The following KRT86 variants were observed in gnomAD, a reference collection of about 807,000 sequenced individuals.
KRT86 encodes keratin, type II cuticular Hb6.
KRT86 carries 30 observed loss-of-function variants against 41.2 expected under a neutral mutation model. The observed-to-expected ratio is 0.73, with a 90% confidence interval of 0.54 to 0.99. The LOEUF is 0.99. Ranked by LOEUF, KRT86 falls within the 50% of genes least tolerant of loss-of-function variation. The pLI, the probability that KRT86 is intolerant of heterozygous loss-of-function variation, is 0.00. For missense variants in KRT86, 561 were observed against 571.4 expected, an observed-to-expected ratio of 0.98 and a Z score of 0.19; for synonymous variants, 238 against 238.1, an observed-to-expected ratio of 1.00 and a Z score of 0.00.
In KRT86 at chr12:52,291,973, A is replaced by G. The variant is rs955767584; in HGVS notation, c.-4-9940A>G. ...TTAATAAATACCATCTCTCATTTCC[A>G]TCACAGCTGTGGCTAAAGTGCTCCT... On this transcript the variant is annotated intron_variant, in intron 2 of 10. Coordinates refer to ENST00000423955, the MANE Select transcript of KRT86 (RefSeq NM_001320198.2). Among the ~76,000 whole-genome samples the G allele has an allele frequency of 6.3e-4, 96 of 152,306 alleles. 1 individual carries two copies. The highest frequency in any genetic ancestry group is 6.2e-3 in the Admixed American group (95 of 15,304).
chr12:52,278,993 G>T, intron 2 of KRT86: 1 of 152,564 alleles, frequency 6.6e-6, no homozygotes, highest in Non-Finnish European at 1.5e-5. Flanking sequence ...AGGAGGGTCT[G>T]TGTATCTGGA....
At chr12:52,291,679 G>C (rs1938131212) in intron 2 of KRT86, 2 of 667,232 alleles carry the variant, frequency 3.0e-6, no homozygotes, top group Non-Finnish European at 5.0e-6. Context: ...TAATGGGGGA[G>C]TGGCCTGCAC....
intron 2 of KRT86, among the ~76,000 whole-genome samples, chr12:52,288,674 A>C (rs1592425527): frequency 6.7e-6 from 1 of 150,324 alleles, no homozygotes; most frequent in Non-Finnish European, 1.5e-5. Flanking sequence ...CCAGCCTTTC[A>C]CCCCTCCTTG....
chr12:52,283,726 C>A (rs1937837799), intron 2 of KRT86, among the ~76,000 whole-genome samples: 1 of 152,110 alleles, frequency 6.6e-6, no homozygotes, highest in African/African-American at 2.4e-5. Context: ...GTGATCTGCC[C>A]ACCTCGGCCT....
intron 5 of KRT86, among the ~76,000 whole-genome samples, chr12:52,304,382 G>GCT (rs1565748828): frequency 7.8e-6 from 1 of 128,866 alleles, no homozygotes; most frequent in Admixed American, 8.1e-5. Context: ...ACCTACCTTG[G>GCT]GCAAGGGGAT....
intron 2 of KRT86, among the ~76,000 whole-genome samples, chr12:52,300,858 C>T (rs1938356833): frequency 6.6e-6 from 1 of 152,166 alleles, no homozygotes; most frequent in Non-Finnish European, 1.5e-5. Flanking sequence ...CTGGAGGTTA[C>T]ACAGAGGCCT....
intron 6 of KRT86, 75 bp from the exon 7 acceptor site, chr12:52,305,165 C>G (rs1353151079): frequency 4.3e-6 from 7 of 1,611,492 alleles, no homozygotes; most frequent in Non-Finnish European, 5.9e-6. Flanking sequence ...CCAGAGAAAG[C>G]CTGAGGAGGT....
At chr12:52,293,522 G>A (rs1938184126) in intron 2 of KRT86, among the ~76,000 whole-genome samples, 1 of 152,120 alleles carries the variant, frequency 6.6e-6, no homozygotes, top group African/African-American at 2.4e-5. Flanking sequence ...AGGAAGACGG[G>A]CAGAGTCAGA....
In KRT86 at chr12:52,305,728, C is replaced by G; in HGVS notation, c.966C>G (p.Ile322Met). 1 of 1,614,066 alleles carries G rather than the reference C, an allele frequency of 6.2e-7. No homozygotes were observed. The highest frequency in any genetic ancestry group is 1.1e-5 in the South Asian group (1 of 91,074). The stretch of plus-strand genomic sequence containing the variant: ...CCCTGCGCCGCACCAAGGAGGAGAT[C>G]AACGAGCTGAACCGCATGATCCAGA... ...GETLRRTKEE[I>M]NELNRMIQRL... The change falls in exon 8 of 11, where the codon ATC (isoleucine) becomes ATG (methionine). Residue 322 changes from isoleucine to methionine, a missense_variant. Physicochemically the swap from Ile to Met is conservative, Grantham distance 10 (BLOSUM62 1). Around this residue, in one of 3 missense-constraint regions of KRT86, gnomAD observed 397 missense variants for 375.9 expected, o/e 1.06. Coordinates refer to ENST00000423955, the MANE Select transcript of KRT86 (RefSeq NM_001320198.2).
chr12:52,298,385 AT>A (rs1938296514), intron 2 of KRT86, among the ~76,000 whole-genome samples: 1 of 152,218 alleles, frequency 6.6e-6, no homozygotes, highest in Non-Finnish European at 1.5e-5. Context: ...TCCATGCATT[AT>A]TTCATTTAAT....
chr12:52,305,744 A>C lies in KRT86; in HGVS notation c.982A>C (p.Met328Leu), dbSNP rs759203655. 1.2e-6 allele frequency: 2 copies of C among 1,614,078 alleles called. No individual in the cohort carries two copies. Among genetic ancestry groups the C allele is most frequent in the Non-Finnish European group, 1.7e-6 (2 of 1,179,914 alleles). ...GGAGGAGATCAACGAGCTGAACCGC[A>C]TGATCCAGAGGCTGACGGCTGAGGT... ...TKEEINELNR[M>L]IQRLTAEVEN... The change falls in exon 8 of 11, where the codon ATG becomes CTG. Residue 328 changes from methionine (M) to leucine (L), a missense_variant. Physicochemically the swap from Met to Leu is conservative, Grantham distance 15. Transcript: ENST00000423955.
At chr12:52,293,765 A>G (rs1938189295) in intron 2 of KRT86, among the ~76,000 whole-genome samples, 1 of 152,218 alleles carries the variant, frequency 6.6e-6, no homozygotes, top group Non-Finnish European at 1.5e-5. Flanking sequence ...CCACTCCAAT[A>G]GAGCAGGTCC....
intron 5 of KRT86, among the ~76,000 whole-genome samples, chr12:52,304,379 T>G (rs71445791): frequency 8.7e-6 from 1 of 115,212 alleles, no homozygotes; most frequent in Non-Finnish European, 1.7e-5. Context: ...AGCACCTACC[T>G]TGGGCAAGGG....
rs1458895540 is a variant in KRT86, at chr12:52,305,274, C to A, written c.770C>A (p.Thr257Asn). 5 of 1,614,126 alleles carry A rather than the reference C, an allele frequency of 3.1e-6. No individual in the cohort carries two copies. In the East Asian group the frequency reaches 8.9e-5, roughly 29 times the overall value. Reference sequence around the variant, plus strand: ...GTTCTCCAGTCCCACATCTCAGACACCTCCGTGGTTGTCAAGCTGGACAAC... The same window carrying A: ...GTTCTCCAGTCCCACATCTCAGACAACTCCGTGGTTGTCAAGCTGGACAAC... ...IRVLQSHISD[T>N]SVVVKLDNSR... Residue 257 changes from threonine (T) to asparagine (N), a missense_variant, in exon 7 of 11, where the codon ACC becomes AAC. Physicochemically the swap from Thr to Asn is moderately conservative, Grantham distance 65. This residue lies in a region of KRT86 where 397 missense variants were observed against 375.9 expected (regional missense o/e 1.06). Coordinates refer to ENST00000423955, the MANE Select transcript of KRT86 (RefSeq NM_001320198.2).
At chr12:52,286,464 A>G in intron 2 of KRT86, 10 of 1,552,506 alleles carry the variant, frequency 6.4e-6, no homozygotes, top group Non-Finnish European at 8.7e-6. Context: ...AGGTCCCCGC[A>G]CACGACCCCG....
intron 2 of KRT86, among the ~76,000 whole-genome samples, chr12:52,301,620 T>C (rs1938377559): frequency 6.6e-6 from 1 of 152,002 alleles, no homozygotes; most frequent in African/African-American, 2.4e-5. Context: ...GAGGTTGAGG[T>C]GGGTGTGCGG....
At chr12:52,308,133 A>G in intron 9 of KRT86, 100 bp from the exon 10 acceptor site, 2 of 1,523,008 alleles carry the variant, frequency 1.3e-6, no homozygotes, top group Non-Finnish European at 1.8e-6. Context: ...TCCCTTGGGC[A>G]AGTGCCCAGA....
In KRT86 at chr12:52,308,794, A is replaced by C; in HGVS notation, c.*209A>C. ...GGGAGGCGCCATGGTCTCTCTCTGT[A>C]GCCTTTCCTGGTAGTCAATTTGTTG... On this transcript the variant is annotated 3_prime_UTR_variant, in exon 11 of 11. Coordinates refer to ENST00000423955, the MANE Select transcript of KRT86 (RefSeq NM_001320198.2). 1.7e-6 allele frequency: 1 copy of C among 587,040 alleles called. No homozygotes were observed. Among genetic ancestry groups the C allele is most frequent in the South Asian group, 2.0e-5 (1 of 48,786 alleles). 36.4% of individuals were successfully genotyped at this position (587,040 alleles called of 1,614,324 possible).
intron 2 of KRT86, among the ~76,000 whole-genome samples, chr12:52,280,682 CT>C (rs1937752608): frequency 6.6e-6 from 1 of 152,208 alleles, no homozygotes; most frequent in African/African-American, 2.4e-5. Flanking sequence ...CCCCACTGGG[CT>C]CACACATCAG....
Sources: allele counts gnomAD v4.1 joint callset (sites outside exome capture counted in the v4.1 genomes callset), GRCh38; gene constraint gnomAD v4.1.1; regional missense constraint gnomAD v4.1.1; transcripts MANE v1.5; gene names NCBI Gene and HGNC (gene_info 2026-07-23, HGNC 2026-07-21).